Variants in RAB38 observed in about 807,000 individuals in gnomAD.
RAB38 encodes the protein RAB38, member RAS oncogene family, also known as ras-related protein Rab-38.
Under a neutral mutation model 18.4 loss-of-function variants are expected in RAB38, and 15 were observed. That is an observed-to-expected ratio of 0.82 (90% CI 0.55 to 1.26). The LOEUF (loss-of-function observed/expected upper bound fraction) is 1.26. RAB38 is among the 50% of genes most tolerant of loss of function. The probability of loss-of-function intolerance (pLI) is 0.00; values close to 1 mark genes in which losing one functional copy is unlikely to be tolerated. For missense variants in RAB38, 294 were observed against 267.4 expected, an observed-to-expected ratio of 1.10 and a Z score of -0.69; for synonymous variants, 101 against 104.4, an observed-to-expected ratio of 0.97 and a Z score of 0.20.
the RAB38 span, among the ~76,000 whole-genome samples, chr11:88,029,253 C>T: frequency 1.5e-4 from 23 of 152,024 alleles, no homozygotes; most frequent in African/African-American, 4.8e-4. Context: ...AAGGAACAAC[C>T]GGTACCAGCT....
chr11:87,805,933 CA>C, the RAB38 span, among the ~76,000 whole-genome samples: 1 of 151,982 alleles, frequency 6.6e-6, no homozygotes, highest in African/African-American at 2.4e-5. Flanking sequence ...TGGGCCTCCC[CA>C]CGTTATTGGA....
At chr11:87,890,990 A>T in the RAB38 span, among the ~76,000 whole-genome samples, 12 of 151,890 alleles carry the variant, frequency 7.9e-5, no homozygotes, top group Non-Finnish European at 7.4e-5. Flanking sequence ...GTATAAGGCC[A>T]TGTGTACCTG....
chr11:88,040,155 A>G, the RAB38 span, among the ~76,000 whole-genome samples: 7 of 152,198 alleles, frequency 4.6e-5, no homozygotes, highest in Admixed American at 6.5e-5. Flanking sequence ...CTGCCATAAC[A>G]AAGTGCAACA....
the RAB38 span, among the ~76,000 whole-genome samples, chr11:88,090,253 G>T: frequency 2.4e-4 from 37 of 151,928 alleles, no homozygotes; most frequent in Admixed American, 2.4e-3. Flanking sequence ...AAACAGTGTT[G>T]CAATAGAAAA....
chr11:87,854,581 A>G, the RAB38 span, among the ~76,000 whole-genome samples: 1 of 152,172 alleles, frequency 6.6e-6, no homozygotes, highest in African/African-American at 2.4e-5. Flanking sequence ...ATGATAAATG[A>G]AATGTTTTCC....
chr11:88,056,831 A>AC, the RAB38 span, among the ~76,000 whole-genome samples: 89 of 43,798 alleles, frequency 2.0e-3, no homozygotes, highest in African/African-American at 7.9e-4. Flanking sequence ...ATAAATAAAT[A>AC]AATACATACA....
the RAB38 span, among the ~76,000 whole-genome samples, chr11:88,073,428 G>A: frequency 6.6e-6 from 1 of 152,106 alleles, no homozygotes; most frequent in Non-Finnish European, 1.5e-5. Flanking sequence ...TACTAGAACT[G>A]AGGCAAACCT....
chr11:88,112,179 A>C (rs1025826146), downstream of RAB38, among the ~76,000 whole-genome samples: 5 of 152,190 alleles, frequency 3.3e-5, no homozygotes, highest in African/African-American at 9.7e-5. Context: ...ATTACTACTA[A>C]TATTTACTAG....
the RAB38 span, among the ~76,000 whole-genome samples, chr11:87,974,524 C>T: frequency 6.6e-6 from 1 of 151,408 alleles, no homozygotes; most frequent in Admixed American, 6.6e-5. Context: ...ACAATAAAAC[C>T]TCAGGAAAAA....
At chr11:88,093,698 C>A in the RAB38 span, among the ~76,000 whole-genome samples, 1 of 151,832 alleles carries the variant, frequency 6.6e-6, no homozygotes, top group East Asian at 1.9e-4. Context: ...TGTTTAAAAT[C>A]AAAAGTGACT....
At chr11:87,902,654 C>T in the RAB38 span, among the ~76,000 whole-genome samples, 2 of 151,308 alleles carry the variant, frequency 1.3e-5, no homozygotes, top group African/African-American at 2.4e-5. Flanking sequence ...ATGAATGCAG[C>T]GTATCTTACT....
At chr11:87,814,336 G>T in the RAB38 span, among the ~76,000 whole-genome samples, 1 of 152,238 alleles carries the variant, frequency 6.6e-6, no homozygotes, top group African/African-American at 2.4e-5. Flanking sequence ...TGTTAGCTAG[G>T]TTTGTTATAT....
At chr11:87,969,760 C>T in the RAB38 span, among the ~76,000 whole-genome samples, 1 of 152,058 alleles carries the variant, frequency 6.6e-6, no homozygotes, top group African/African-American at 2.4e-5. Flanking sequence ...TTCTTTACCC[C>T]ATTCCATTAG....
the RAB38 span, among the ~76,000 whole-genome samples, chr11:87,839,440 T>C: frequency 6.6e-6 from 1 of 152,214 alleles, no homozygotes; most frequent in African/African-American, 2.4e-5. Context: ...AGGCTATATT[T>C]GGCTGCTTTC....
At chr11:87,939,371 C>T in the RAB38 span, among the ~76,000 whole-genome samples, 1 of 113,414 alleles carries the variant, frequency 8.8e-6, no homozygotes, top group Non-Finnish European at 1.8e-5. Context: ...GGGTAACACA[C>T]ACATACATAC....
the RAB38 span, among the ~76,000 whole-genome samples, chr11:88,022,406 A>G: frequency 1.3e-5 from 2 of 151,966 alleles, no homozygotes; most frequent in Admixed American, 6.6e-5. Context: ...CTGAATGGGG[A>G]AAAACTGAAA....
At chr11:87,807,910 AAAAT>A in the RAB38 span, among the ~76,000 whole-genome samples, 2 of 151,158 alleles carry the variant, frequency 1.3e-5, no homozygotes, top group African/African-American at 4.9e-5. Context: ...AACAGGAAGA[AAAAT>A]AACAGGAAGA....
At chr11:88,024,452 A>C in the RAB38 span, among the ~76,000 whole-genome samples, 1 of 152,232 alleles carries the variant, frequency 6.6e-6, no homozygotes, top group Admixed American at 6.5e-5. Context: ...ATATTAGTAC[A>C]ACCACTATGA....
the RAB38 span, among the ~76,000 whole-genome samples, chr11:88,009,527 C>T: frequency 6.6e-5 from 10 of 152,056 alleles, no homozygotes; most frequent in Admixed American, 1.3e-4. Flanking sequence ...TAGACAGAAA[C>T]CACTTAAGAT....
Sources: gnomAD v4.1 joint callset for allele counts (sites outside exome capture counted in the v4.1 genomes callset) on GRCh38, gnomAD v4.1.1 for gene constraint, MANE v1.5 for transcripts, NCBI Gene and HGNC (gene_info 2026-07-23, HGNC 2026-07-21) for gene names.